CNTN5: variants seen among roughly 807,000 people sequenced by gnomAD.
CNTN5 encodes the protein contactin 5.
A neutral mutation model predicts 129.1 loss-of-function variants in CNTN5; 77 were observed. That is an observed-to-expected ratio of 0.60 (90% CI 0.50 to 0.72). CNTN5 has a LOEUF of 0.72. Among genes scored for constraint, CNTN5 ranks in the 30% least tolerant of loss-of-function variants. The pLI, the probability that CNTN5 is intolerant of heterozygous loss-of-function variation, is 0.00. For missense variants in CNTN5, 1,478 were observed against 1,328.8 expected, an observed-to-expected ratio of 1.11 and a Z score of -1.75; for synonymous variants, 509 against 465.6, an observed-to-expected ratio of 1.09 and a Z score of -1.20.
At chr11:100,220,209 G>A (rs1001755357) in intron 15 of CNTN5, among the ~76,000 whole-genome samples, 9 of 151,890 alleles carry the variant, frequency 5.9e-5, no homozygotes, top group Admixed American at 1.3e-4. Flanking sequence ...CCCGGGAGGC[G>A]GAGCTTGCAG....
At chr11:100,327,845 T>C (rs1224723432) in intron 21 of CNTN5, among the ~76,000 whole-genome samples, 1 of 152,014 alleles carries the variant, frequency 6.6e-6, no homozygotes, top group African/African-American at 2.4e-5. Flanking sequence ...AAGACAAAAT[T>C]TGATTATTAA....
intron 1 of CNTN5, among the ~76,000 whole-genome samples, chr11:99,102,366 C>A (rs1203643724): frequency 6.6e-6 from 1 of 152,144 alleles, no homozygotes; most frequent in African/African-American, 2.4e-5. Context: ...CTGCAGCCAG[C>A]TTGAATTTCT....
chr11:99,964,980 T>C (rs762161301), intron 8 of CNTN5, among the ~76,000 whole-genome samples: 1 of 152,198 alleles, frequency 6.6e-6, no homozygotes, highest in Non-Finnish European at 1.5e-5. Context: ...GATGGTAGTT[T>C]GTATTTCTGT....
intron 8 of CNTN5, among the ~76,000 whole-genome samples, chr11:99,960,716 G>A (rs1009693936): frequency 4.6e-5 from 7 of 152,146 alleles, no homozygotes; most frequent in African/African-American, 9.7e-5. Flanking sequence ...AAAGGAACAT[G>A]AGTCACTACA....
chr11:100,009,716 A>G (rs1940410095), intron 9 of CNTN5, among the ~76,000 whole-genome samples: 1 of 152,144 alleles, frequency 6.6e-6, no homozygotes, highest in Non-Finnish European at 1.5e-5. Flanking sequence ...AGAATATAAT[A>G]ATGCCCATTT....
intron 6 of CNTN5, among the ~76,000 whole-genome samples, chr11:99,859,857 A>G (rs964534206): frequency 1.3e-5 from 2 of 152,144 alleles, no homozygotes; most frequent in Admixed American, 6.6e-5. Flanking sequence ...TATTTTGGTT[A>G]TATACCCAGT....
chr11:99,311,144 G>T (rs1024751043), intron 1 of CNTN5, among the ~76,000 whole-genome samples: 5 of 152,088 alleles, frequency 3.3e-5, no homozygotes, highest in Admixed American at 3.3e-4. Context: ...GGCCAGGCTG[G>T]TGTCGATCTC....
chr11:99,456,438 A>G (rs1241636345), intron 2 of CNTN5, among the ~76,000 whole-genome samples: 1 of 152,154 alleles, frequency 6.6e-6, no homozygotes, highest in East Asian at 1.9e-4. Flanking sequence ...TTTAAATATT[A>G]AGGACATCTT....
At chr11:100,071,928 T>C in intron 12 of CNTN5, 94 bp downstream of exon 12, 1 of 1,132,608 alleles carries the variant, frequency 8.8e-7, no homozygotes, top group Non-Finnish European at 1.2e-6. Flanking sequence ...GATGTGGTTG[T>C]AAAAATCTAT....
At chr11:99,512,484 C>T (rs1946875758) in intron 2 of CNTN5, among the ~76,000 whole-genome samples, 1 of 152,102 alleles carries the variant, frequency 6.6e-6, no homozygotes, top group South Asian at 2.1e-4. Flanking sequence ...GCATACCTTG[C>T]TTTATTGCTC....
intron 1 of CNTN5, among the ~76,000 whole-genome samples, chr11:99,046,598 C>G (rs1864220086): frequency 6.6e-6 from 1 of 152,096 alleles, no homozygotes; most frequent in African/African-American, 2.4e-5. Flanking sequence ...TTTCTCAGCA[C>G]TCTAGCTAGG....
intron 8 of CNTN5, among the ~76,000 whole-genome samples, chr11:99,994,280 C>T (rs1939308268): frequency 6.6e-6 from 1 of 151,632 alleles, no homozygotes; most frequent in South Asian, 2.1e-4. Context: ...TGGTATTATT[C>T]ACAGGCAGAT....
intron 13 of CNTN5, among the ~76,000 whole-genome samples, chr11:100,112,984 A>G (rs1216682915): frequency 1.3e-5 from 2 of 152,152 alleles, no homozygotes; most frequent in Non-Finnish European, 2.9e-5. Context: ...CTCATCAAAT[A>G]TCTTTGTAAC....
intron 21 of CNTN5, among the ~76,000 whole-genome samples, chr11:100,329,685 A>G (rs1216190): frequency 0.7 from 106,017 of 152,104 alleles, 37,791 homozygotes; most frequent in East Asian, 0.97. Flanking sequence ...CAGCCAGAAT[A>G]CCAGTAGCCC....
intron 2 of CNTN5, among the ~76,000 whole-genome samples, chr11:99,465,874 C>CTTTT (rs35950728): frequency 3.8e-5 from 4 of 106,418 alleles, no homozygotes; most frequent in Admixed American, 1.2e-4. Flanking sequence ...TGCCACACAC[C>CTTTT]TTTTTTTTTT....
chr11:99,498,184 C>A (rs1161944533), intron 2 of CNTN5, among the ~76,000 whole-genome samples: 1 of 152,050 alleles, frequency 6.6e-6, no homozygotes, highest in African/African-American at 2.4e-5. Context: ...TCTCTAATTT[C>A]TTTCAAAATA....
intron 2 of CNTN5, among the ~76,000 whole-genome samples, chr11:99,374,962 C>T (rs1940072847): frequency 6.6e-6 from 1 of 151,984 alleles, no homozygotes; most frequent in African/African-American, 2.4e-5. Flanking sequence ...TGTTTTCAGG[C>T]TGGAAAAGTA....
intron 18 of CNTN5, among the ~76,000 whole-genome samples, chr11:100,295,020 T>C (rs1223298002): frequency 6.6e-6 from 1 of 151,662 alleles, no homozygotes; most frequent in African/African-American, 2.4e-5. Context: ...GCTGCAGCTA[T>C]TACAGCCTAA....
intron 6 of CNTN5, among the ~76,000 whole-genome samples, chr11:99,871,799 T>C (rs1410386179): frequency 1.3e-5 from 2 of 152,078 alleles, no homozygotes; most frequent in Admixed American, 6.6e-5. Context: ...GATGGTACAA[T>C]GTTTACTTCT....
Sources: allele counts gnomAD v4.1 joint callset (sites outside exome capture counted in the v4.1 genomes callset), GRCh38; gene constraint gnomAD v4.1.1; transcripts MANE v1.5; gene names NCBI Gene and HGNC (gene_info 2026-07-23, HGNC 2026-07-21).